Variants in EIF4E observed in about 807,000 individuals in gnomAD.
EIF4E encodes eIF-4F 25 kDa subunit.
For synonymous variants in EIF4E, 71 were observed against 88.5 expected (o/e 0.80, Z 1.11); for missense variants, 113 against 265.6 (o/e 0.43, Z 3.99).
At chr4:98,884,662 C>T (rs1579147710) in intron 6 of EIF4E, among the ~76,000 whole-genome samples, 1 of 152,064 alleles carries the variant, frequency 6.6e-6, no homozygotes, top group South Asian at 2.1e-4. Flanking sequence ...CTAGATCATG[C>T]CACTGTACTA....
At chr4:98,920,339 T>A (rs754161263) in intron 1 of EIF4E, among the ~76,000 whole-genome samples, 26 of 152,100 alleles carry the variant, frequency 1.7e-4, no homozygotes, top group Admixed American at 5.2e-4. Context: ...TTCACTCTTG[T>A]TGCCCAGGCT....
intron 1 of EIF4E, among the ~76,000 whole-genome samples, chr4:98,903,751 C>G (rs1168706845): frequency 6.6e-6 from 1 of 152,130 alleles, no homozygotes; most frequent in African/African-American, 2.4e-5. Context: ...GATTACTTAA[C>G]TGAATAAATT....
intron 1 of EIF4E, among the ~76,000 whole-genome samples, chr4:98,925,618 A>G (rs72677506): frequency 0.011 from 1,737 of 152,332 alleles, 13 homozygotes; most frequent in Non-Finnish European, 0.017. Flanking sequence ...CAACTCATAC[A>G]AAGAGAAAAC....
rs1046876684 is a variant in EIF4E, at chr4:98,879,494, C to T, written c.*1534G>A. ...TATGTACAAAACATTTTCAAGTTTG[C>T]TTTCAAATGATACCTACAAAGAGTA... is the stretch of plus-strand genomic sequence containing the variant. On this transcript the variant is annotated 3_prime_UTR_variant, in exon 7 of 7. Transcript: ENST00000450253. 1 of 152,108 alleles carries T rather than the reference C, an allele frequency of 6.6e-6. No homozygotes were observed. Among genetic ancestry groups the T allele is most frequent in the African/African-American group, 2.4e-5 (1 of 41,414 alleles). The allele number at this position is 152,108 out of a possible 1,614,324, so 9.4% of individuals were successfully genotyped here. A position where few individuals can be genotyped will look rare whatever the true frequency, so the allele number is the denominator to read the frequency against.
chr4:98,904,831 T>G (rs76846908), intron 1 of EIF4E, among the ~76,000 whole-genome samples: 3,466 of 152,210 alleles, frequency 0.023, 52 homozygotes, highest in African/African-American at 0.032. Context: ...AAAAAGGAGC[T>G]ACACATTTTT....
At chr4:98,892,891 T>C (rs986188704) in intron 2 of EIF4E, among the ~76,000 whole-genome samples, 2 of 152,184 alleles carry the variant, frequency 1.3e-5, no homozygotes, top group African/African-American at 2.4e-5. Flanking sequence ...TTTTAATATA[T>C]CTGTATATAC....
intron 1 of EIF4E, among the ~76,000 whole-genome samples, chr4:98,923,953 T>C (rs1725762326): frequency 6.6e-6 from 1 of 152,182 alleles, no homozygotes; most frequent in Non-Finnish European, 1.5e-5. Context: ...GAAATTTCAG[T>C]CTTCAAGATC....
chr4:98,916,775 G>T (rs1725398313), intron 1 of EIF4E, among the ~76,000 whole-genome samples: 1 of 151,962 alleles, frequency 6.6e-6, no homozygotes, highest in African/African-American at 2.4e-5. Flanking sequence ...TAATATTCAA[G>T]GCCTCAAAAA....
At chr4:98,922,545 C>T (rs886423666) in intron 1 of EIF4E, among the ~76,000 whole-genome samples, 16 of 145,546 alleles carry the variant, frequency 1.1e-4, no homozygotes, top group African/African-American at 3.3e-4. Flanking sequence ...AACAGTGAGA[C>T]GCTGTCTCAA....
At chr4:98,923,319 CT>C (rs201405687) in intron 1 of EIF4E, among the ~76,000 whole-genome samples, 19,269 of 144,814 alleles carry the variant, frequency 0.13, 1,364 homozygotes, top group African/African-American at 0.19. Context: ...TTTTCTTTTT[CT>C]TTTTTTTTTT....
intron 1 of EIF4E, among the ~76,000 whole-genome samples, chr4:98,908,661 T>A (rs1363434690): frequency 6.6e-6 from 1 of 151,884 alleles, no homozygotes; most frequent in East Asian, 1.9e-4. Context: ...AAACTATGAG[T>A]TTTTACTTGA....
chr4:98,891,544 T>A, intron 2 of EIF4E: 1 of 574,080 alleles, frequency 1.7e-6, no homozygotes, highest in Non-Finnish European at 3.1e-6. Flanking sequence ...GGACATTAAG[T>A]GAATAAGCCA....
At chr4:98,928,831 G>A (rs1579194117) in intron 1 of EIF4E, 12 of 1,526,168 alleles carry the variant, frequency 7.9e-6, no homozygotes, top group South Asian at 1.2e-5. Flanking sequence ...GACACCTCGC[G>A]GTTCCGCAGG....
Position 98,887,776 on chromosome 4 carries a change from A to T in EIF4E, c.285+113T>A, listed in dbSNP as rs1162637417. On this transcript the variant is annotated intron_variant, in intron 4 of 6. Transcript: ENST00000450253. This position sits in a 1 kb window ranked among gnomAD's most constrained non-coding sequence, Gnocchi z 4.0. ...AAAGCATACTACAGCCAATTAAATT[A>T]TCAGCCTATTCATCACACTATCAAA... is the stretch of plus-strand genomic sequence containing the variant. 3 of 891,954 alleles carry T rather than the reference A, an allele frequency of 3.4e-6. No individual in the cohort carries two copies. The African/African-American group carries it at 5.1e-5, about 15-fold the overall frequency. The allele number at this position is 891,954 out of a possible 1,614,324, so 55.3% of individuals were successfully genotyped here. A position where few individuals can be genotyped will look rare whatever the true frequency, so the allele number is the denominator to read the frequency against.
chr4:98,917,299 T>C (rs1020514105), intron 1 of EIF4E, among the ~76,000 whole-genome samples: 1 of 151,956 alleles, frequency 6.6e-6, no homozygotes, highest in Non-Finnish European at 1.5e-5. Context: ...TAAAACAAGA[T>C]ACAGAGCAGC....
intron 1 of EIF4E, among the ~76,000 whole-genome samples, chr4:98,911,083 CCT>C (rs1206722634): frequency 6.9e-6 from 1 of 144,286 alleles, no homozygotes; most frequent in Non-Finnish European, 1.5e-5. Flanking sequence ...AGAGTCTTGC[CCT>C]GTTGCCCAGG....
At chr4:98,926,019 A>G (rs1290915424) in intron 1 of EIF4E, 1 of 152,044 alleles carries the variant, frequency 6.6e-6, no homozygotes, top group Non-Finnish European at 1.5e-5. Context: ...TTTAAAAATT[A>G]TCCGGGCGTG....
intron 1 of EIF4E, 102 bp downstream of exon 1, chr4:98,928,993 G>C: frequency 6.4e-7 from 1 of 1,571,622 alleles, no homozygotes; most frequent in South Asian, 1.2e-5. Context: ...GGGCGGCAAG[G>C]GGTACAGTGC....
intron 6 of EIF4E, among the ~76,000 whole-genome samples, chr4:98,884,200 A>T (rs1723816521): frequency 1.3e-5 from 2 of 152,246 alleles, no homozygotes; most frequent in South Asian, 4.1e-4. Flanking sequence ...TTAAATGCAC[A>T]TATACTATTT....
Sources: gnomAD v4.1 joint callset for allele counts (sites outside exome capture counted in the v4.1 genomes callset) on GRCh38, gnomAD v4.1.1 for gene constraint, Gnocchi (gnomAD v3.1) non-coding constraint, MANE v1.5 for transcripts, NCBI Gene and HGNC (gene_info 2026-07-23, HGNC 2026-07-21) for gene names.